The following RBMS3 variants were observed in gnomAD, a reference collection of about 807,000 sequenced individuals.
RBMS3 encodes the protein RNA binding motif single stranded interacting protein 3.
In RBMS3, 27 loss-of-function variants were observed where a neutral mutation model predicts 66.8. The observed-to-expected ratio is 0.40, with a 90% confidence interval of 0.30 to 0.56. The LOEUF is 0.56. Among genes scored for constraint, RBMS3 ranks in the 20% least tolerant of loss-of-function variants. RBMS3 has a pLI of 0.40. For synonymous variants in RBMS3, 188 were observed against 183.0 expected, an observed-to-expected ratio of 1.03 and a Z score of -0.22; for missense variants, 513 against 549.5, an observed-to-expected ratio of 0.93 and a Z score of 0.66.
chr3:29,977,806 C>T (rs903043864), intron 12 of RBMS3, among the ~76,000 whole-genome samples: 1 of 151,560 alleles, frequency 6.6e-6, no homozygotes, highest in African/African-American at 2.4e-5. Flanking sequence ...TCTCATTGTG[C>T]CGTGGTCCCC....
At chr3:29,624,470 T>C (rs564371766) in intron 4 of RBMS3, among the ~76,000 whole-genome samples, 3 of 152,294 alleles carry the variant, frequency 2.0e-5, no homozygotes, top group Non-Finnish European at 4.4e-5. Flanking sequence ...TTGAATATGC[T>C]GAAAATCGAG....
At chr3:29,976,955 T>C (rs1697631783) in intron 12 of RBMS3, among the ~76,000 whole-genome samples, 1 of 152,158 alleles carries the variant, frequency 6.6e-6, no homozygotes. Context: ...GCTTTCTTTG[T>C]TAAAAGAAAT....
chr3:29,404,149 G>A (rs750932916), intron 1 of RBMS3, among the ~76,000 whole-genome samples: 7 of 152,152 alleles, frequency 4.6e-5, no homozygotes, highest in Non-Finnish European at 8.8e-5. Context: ...ACACTTGGAT[G>A]ACATTATGAT....
At chr3:29,505,979 A>G (rs921382428) in intron 3 of RBMS3, among the ~76,000 whole-genome samples, 4 of 151,810 alleles carry the variant, frequency 2.6e-5, no homozygotes, top group Admixed American at 6.6e-5. Flanking sequence ...TTTTGGTGGA[A>G]TTTTTTAGGC....
chr3:29,575,606 T>C (rs2047093234), intron 3 of RBMS3, among the ~76,000 whole-genome samples: 1 of 152,164 alleles, frequency 6.6e-6, no homozygotes, highest in Non-Finnish European at 1.5e-5. Flanking sequence ...TAACTCTTTC[T>C]CTACCTCATG....
intron 4 of RBMS3, among the ~76,000 whole-genome samples, chr3:29,675,350 C>G (rs1413305624): frequency 6.6e-6 from 1 of 152,146 alleles, no homozygotes; most frequent in African/African-American, 2.4e-5. Flanking sequence ...CAGTATCATT[C>G]AGGACATAGG....
intron 6 of RBMS3, among the ~76,000 whole-genome samples, chr3:29,807,867 A>T (rs766935282): frequency 6.6e-6 from 1 of 151,752 alleles, no homozygotes; most frequent in Non-Finnish European, 1.5e-5. Context: ...TCTAAATTCT[A>T]ATTGTTTTCT....
chr3:29,954,277 T>C lies in RBMS3; in HGVS notation c.1098+10023T>C, dbSNP rs184890547. Among the ~76,000 whole-genome samples the C allele has an allele frequency of 1.2e-4, 18 of 152,046 alleles. No individual in the cohort carries two copies. The East Asian group carries it at 3.3e-3, about 28-fold the overall frequency. On this transcript the variant is annotated intron_variant, in intron 12 of 14. Coordinates refer to ENST00000383767, the MANE Select transcript of RBMS3 (RefSeq NM_001003793.3). The stretch of plus-strand genomic sequence containing the variant: ...ATCCTATCATCTATTTTGCTTTTCA[T>C]GCCAAAGTTTCCAACTACTTCCTAG...
intron 6 of RBMS3, among the ~76,000 whole-genome samples, chr3:29,838,361 A>G (rs1181372786): frequency 2.0e-5 from 3 of 151,954 alleles, no homozygotes; most frequent in African/African-American, 4.8e-5. Flanking sequence ...ATAAATAAAT[A>G]AAACCAATAC....
At chr3:29,328,779 A>T (rs1214365729) in intron 1 of RBMS3, among the ~76,000 whole-genome samples, 1 of 152,012 alleles carries the variant, frequency 6.6e-6, no homozygotes, top group Non-Finnish European at 1.5e-5. Flanking sequence ...TCAAATTCAC[A>T]TTTGTTTACG....
intron 4 of RBMS3, among the ~76,000 whole-genome samples, chr3:29,654,371 T>A (rs1004523120): frequency 6.6e-6 from 1 of 152,150 alleles, no homozygotes; most frequent in Non-Finnish European, 1.5e-5. Context: ...CATGTTATCA[T>A]GTAGGCACTA....
intron 10 of RBMS3, among the ~76,000 whole-genome samples, chr3:29,933,288 C>T (rs2061178328): frequency 6.6e-6 from 1 of 152,142 alleles, no homozygotes; most frequent in African/African-American, 2.4e-5. Flanking sequence ...GCCATGCTAA[C>T]CATAAGGCTT....
chr3:29,947,783 A>G (rs554175008), intron 12 of RBMS3, among the ~76,000 whole-genome samples: 149 of 151,480 alleles, frequency 9.8e-4, no homozygotes, highest in African/African-American at 3.5e-3. Flanking sequence ...TGAAACACCT[A>G]TGAAAACCGA....
chr3:29,618,090 G>A (rs2048729572), intron 4 of RBMS3, among the ~76,000 whole-genome samples: 1 of 152,064 alleles, frequency 6.6e-6, no homozygotes, highest in Non-Finnish European at 1.5e-5. Context: ...TGCTTGTTTG[G>A]GTAAAAGAGA....
chr3:29,922,066 CAAT>C (rs1360160649), intron 10 of RBMS3, among the ~76,000 whole-genome samples: 7 of 152,142 alleles, frequency 4.6e-5, no homozygotes, highest in Non-Finnish European at 7.4e-5. Flanking sequence ...ATGGCATCTC[CAAT>C]AATGTTTACT....
intron 6 of RBMS3, among the ~76,000 whole-genome samples, chr3:29,857,750 A>C (rs1326058282): frequency 6.6e-6 from 1 of 152,088 alleles, no homozygotes. Context: ...AATAGGGCCC[A>C]GCTCCTGACC....
intron 1 of RBMS3, among the ~76,000 whole-genome samples, chr3:29,331,378 C>G (rs1169671969): frequency 6.6e-6 from 1 of 152,064 alleles, no homozygotes; most frequent in Non-Finnish European, 1.5e-5. Context: ...AAGACGAACT[C>G]CAATATGTAA....
intron 7 of RBMS3, among the ~76,000 whole-genome samples, chr3:29,874,133 G>C (rs922434039): frequency 6.6e-6 from 1 of 152,094 alleles, no homozygotes; most frequent in African/African-American, 2.4e-5. Context: ...TCACCAGTCA[G>C]CATACTTATA....
intron 1 of RBMS3, among the ~76,000 whole-genome samples, chr3:29,306,780 T>G (rs1210985141): frequency 6.6e-6 from 1 of 151,912 alleles, no homozygotes; most frequent in African/African-American, 2.4e-5. Flanking sequence ...ACTTTGCTTA[T>G]GTTCTCCCGT....
Sources: gnomAD v4.1 joint callset for allele counts (sites outside exome capture counted in the v4.1 genomes callset) on GRCh38, gnomAD v4.1.1 for gene constraint, MANE v1.5 for transcripts, NCBI Gene and HGNC (gene_info 2026-07-23, HGNC 2026-07-21) for gene names.